The following KCNQ3 variants were observed in gnomAD, a reference collection of about 807,000 sequenced individuals.
KCNQ3 encodes the protein potassium voltage-gated channel subfamily Q member 3.
In KCNQ3, 30 loss-of-function variants were observed where a neutral mutation model predicts 92.5. That is an observed-to-expected ratio of 0.32 (90% confidence interval 0.24 to 0.44). The LOEUF (loss-of-function observed/expected upper bound fraction) is 0.44, where lower values mean the gene tolerates loss of function less well. KCNQ3 is among the 20% of genes least tolerant of loss of function. KCNQ3 has a pLI of 1.00. For synonymous variants in KCNQ3, 450 were observed against 468.8 expected, an observed-to-expected ratio of 0.96 and a Z score of 0.52; for missense variants, 913 against 1,140.3, an observed-to-expected ratio of 0.80 and a Z score of 2.87.
intron 2 of KCNQ3, among the ~76,000 whole-genome samples, chr8:132,185,797 T>C (rs1480455527): frequency 1.3e-5 from 2 of 152,226 alleles, no homozygotes; most frequent in East Asian, 3.8e-4. Context: ...TTTCAGAGGA[T>C]TGGGAAGCTG....
intron 1 of KCNQ3, among the ~76,000 whole-genome samples, chr8:132,226,062 G>A (rs1400303714): frequency 6.6e-6 from 1 of 152,134 alleles, no homozygotes; most frequent in Admixed American, 6.6e-5. Context: ...ACAAGGTCAG[G>A]AGATAGAGAC....
intron 1 of KCNQ3, among the ~76,000 whole-genome samples, chr8:132,245,228 G>T (rs931299463): frequency 6.6e-6 from 1 of 152,116 alleles, no homozygotes. Flanking sequence ...AGTTGTAAGG[G>T]TTCTCAGAGA....
At chr8:132,184,455 C>T in intron 2 of KCNQ3, 88 bp from the exon 3 acceptor site, 1 of 1,504,228 alleles carries the variant, frequency 6.6e-7, no homozygotes, top group Non-Finnish European at 9.1e-7. Context: ...TTCTGAAGAA[C>T]TCCATTTTGT....
At chr8:132,294,253 G>A (rs1410346648) in intron 1 of KCNQ3, among the ~76,000 whole-genome samples, 2 of 151,974 alleles carry the variant, frequency 1.3e-5, no homozygotes, top group African/African-American at 2.4e-5. Flanking sequence ...CACCGGCCTC[G>A]GCCTCCCAAA....
At chr8:132,198,847 T>G (rs1353832559) in intron 1 of KCNQ3, among the ~76,000 whole-genome samples, 1 of 152,164 alleles carries the variant, frequency 6.6e-6, no homozygotes, top group African/African-American at 2.4e-5. Context: ...CGAATTAAGG[T>G]ATCTCTGTTA....
intron 1 of KCNQ3, among the ~76,000 whole-genome samples, chr8:132,372,063 C>A (rs550597134): frequency 3.9e-4 from 59 of 152,280 alleles, no homozygotes; most frequent in East Asian, 7.7e-4. Context: ...CCCATCACTG[C>A]CAGCTCCTGT....
Position 132,134,379 on chromosome 8 carries a change from C to T in KCNQ3, c.1710G>A (p.Met570Ile), listed in dbSNP as rs375264509. 37 of 1,609,792 alleles carry T rather than the reference C, an allele frequency of 2.3e-5. No individual in the cohort carries two copies. Among genetic ancestry groups the T allele is most frequent in the Non-Finnish European group, 3.0e-5 (35 of 1,176,290 alleles). ...TGGAGGGAGGTCCAGGGGTGAAAAT[C>T]ATATCTATTCTGAAAGAAACAAACA... is the stretch of plus-strand genomic sequence containing the variant. ...RIKYLQTRID[M>I]IFTPGPPSTP... The change falls in exon 13 of 15, where the codon ATG becomes ATA. Residue 570 changes from methionine (M) to isoleucine (I), a missense_variant. Around this residue, in one of 6 missense-constraint regions of KCNQ3, gnomAD observed 182 missense variants for 234.5 expected, o/e 0.78. Transcript: ENST00000388996.
intron 1 of KCNQ3, among the ~76,000 whole-genome samples, chr8:132,393,247 CA>C (rs1295298154): frequency 6.6e-6 from 1 of 152,226 alleles, no homozygotes; most frequent in African/African-American, 2.4e-5. Context: ...TCCTTATCAC[CA>C]CCTGACATTA....
chr8:132,208,840 C>G (rs1289801557), intron 1 of KCNQ3, among the ~76,000 whole-genome samples: 2 of 152,108 alleles, frequency 1.3e-5, no homozygotes, highest in Non-Finnish European at 2.9e-5. Context: ...TAGTACCATA[C>G]CTGGCACATA....
chr8:132,373,383 A>T (rs1819527086), intron 1 of KCNQ3, among the ~76,000 whole-genome samples: 1 of 152,166 alleles, frequency 6.6e-6, no homozygotes, highest in Non-Finnish European at 1.5e-5. Context: ...TTAAAACGCT[A>T]CCAGATATTA....
At position 132,129,687 on chromosome 8, in the gene KCNQ3, C is replaced by T. The variant is rs796052682; in HGVS notation, c.2194G>A (p.Ala732Thr). 2 of 1,614,124 alleles carry T rather than the reference C, an allele frequency of 1.2e-6. No homozygotes were observed. Among genetic ancestry groups the T allele is most frequent in the Middle Eastern group, 1.6e-4 (1 of 6,062 alleles). ...GTTGTTGCTGAGGAAGGAGGAGTTG[C>T]CTGAACCTTTCCAGAACTGGGTCCC... is the stretch of plus-strand genomic sequence containing the variant. ...RGGPSSGKVQ[A>T]TPPSSATTYV... is the part of the protein sequence containing the mutation. The change falls in exon 15 of 15, where the codon GCA (alanine) becomes ACA (threonine). Residue 732 changes from alanine to threonine, a missense_variant. Ala to Thr is a moderately conservative substitution (Grantham distance 58, BLOSUM62 0). Transcript: ENST00000388996. The surrounding 1 kb of genome is among the most constrained non-coding windows in gnomAD (Gnocchi z 5.9).
At chr8:132,328,873 T>G (rs1457001768) in intron 1 of KCNQ3, among the ~76,000 whole-genome samples, 1 of 152,092 alleles carries the variant, frequency 6.6e-6, no homozygotes, top group African/African-American at 2.4e-5. Context: ...TCCTAACAAG[T>G]CACATGCCTC....
chr8:132,460,156 G>C (rs1822030804), intron 1 of KCNQ3, among the ~76,000 whole-genome samples: 1 of 151,904 alleles, frequency 6.6e-6, no homozygotes, highest in African/African-American at 2.4e-5. Context: ...ATTTATTCAG[G>C]GATCCCTGTA....
intron 1 of KCNQ3, among the ~76,000 whole-genome samples, chr8:132,300,529 G>C (rs1190391161): frequency 6.6e-6 from 1 of 152,184 alleles, no homozygotes; most frequent in Non-Finnish European, 1.5e-5. Flanking sequence ...TCAGGGTTTT[G>C]AGATGGCAGC....
At chr8:132,173,462 A>G (rs1826448650) in intron 6 of KCNQ3, among the ~76,000 whole-genome samples, 3 of 152,232 alleles carry the variant, frequency 2.0e-5, no homozygotes, top group Non-Finnish European at 4.4e-5. Context: ...TTCAAGCTTC[A>G]TGATTAAGAG....
At chr8:132,396,296 C>G (rs1820192938) in intron 1 of KCNQ3, among the ~76,000 whole-genome samples, 1 of 152,008 alleles carries the variant, frequency 6.6e-6, no homozygotes, top group Non-Finnish European at 1.5e-5. Context: ...ACTACGTACA[C>G]TGACACTCTG....
intron 1 of KCNQ3, among the ~76,000 whole-genome samples, chr8:132,377,864 C>T (rs1387901711): frequency 2.0e-5 from 3 of 152,202 alleles, no homozygotes; most frequent in South Asian, 2.1e-4. Context: ...GAATTCACTC[C>T]GTCAAGAGCA....
At chr8:132,146,881 C>CAAGCCTGGCTAATTTTTG (rs1825466210) in intron 9 of KCNQ3, among the ~76,000 whole-genome samples, 2 of 152,160 alleles carry the variant, frequency 1.3e-5, no homozygotes, top group African/African-American at 4.8e-5. Context: ...TAGTTTCAAA[C>CAAGCCTGGCTAATTTTTG]TCTTGAGCTC....
chr8:132,430,656 G>A lies in KCNQ3; in HGVS notation c.386+49491C>T, dbSNP rs142112181. On this transcript the variant is annotated intron_variant, in intron 1 of 14. Transcript: ENST00000388996. The stretch of plus-strand genomic sequence containing the variant: ...GAACTTCTGCAGCAGTGAGGAAACC[G>A]GTCATCACCAGGAGTTCCTCCCCAT... 3.0e-3 allele frequency among the ~76,000 whole-genome samples: 461 copies of A among 152,244 alleles called. 2 individuals carry two copies. The highest frequency in any genetic ancestry group is 0.011 in the African/African-American group (440 of 41,524).
Sources: allele counts gnomAD v4.1 joint callset (sites outside exome capture counted in the v4.1 genomes callset), GRCh38; gene constraint gnomAD v4.1.1; regional missense constraint gnomAD v4.1.1; non-coding constraint Gnocchi (gnomAD v3.1); transcripts MANE v1.5; gene names NCBI Gene and HGNC (gene_info 2026-07-23, HGNC 2026-07-21).